The following CSMD1 variants were observed in gnomAD, a reference collection of about 807,000 sequenced individuals.
The protein encoded by CSMD1 is CUB and Sushi multiple domains 1, also known as CUB and sushi domain-containing protein 1.
In CSMD1, 213 loss-of-function variants were observed where a neutral mutation model predicts 417.5. The ratio of observed to expected loss-of-function variants is 0.51; its 90% CI spans 0.46 to 0.57. The LOEUF (loss-of-function observed/expected upper bound fraction) is 0.57, where lower values mean the gene tolerates loss of function less well. CSMD1 is among the 20% of genes least tolerant of loss of function. CSMD1 has a pLI of 0.00. For missense variants in CSMD1, 6,923 were observed against 4,529.7 expected (o/e 1.53, Z -15.17); for synonymous variants, 2,862 against 1,736.8 (o/e 1.65, Z -16.11).
intron 1 of CSMD1, among the ~76,000 whole-genome samples, chr8:4,717,230 A>G (rs968843072): frequency 2.0e-5 from 3 of 151,386 alleles, no homozygotes; most frequent in Non-Finnish European, 4.4e-5. Context: ...AATACATAAC[A>G]TAGCTACCTT....
intron 8 of CSMD1, among the ~76,000 whole-genome samples, chr8:3,594,051 G>C (rs1012676731): frequency 6.6e-6 from 1 of 152,184 alleles, no homozygotes; most frequent in East Asian, 1.9e-4. Flanking sequence ...AAAGGAATGA[G>C]AGAGGAAAAA....
intron 17 of CSMD1, among the ~76,000 whole-genome samples, chr8:3,388,290 T>C (rs1306379588): frequency 1.3e-5 from 2 of 152,216 alleles, no homozygotes; most frequent in African/African-American, 4.8e-5. Context: ...ATGGGAAAAA[T>C]TAATGTGCAT....
At chr8:3,348,638 G>C (rs1028409149) in intron 21 of CSMD1, among the ~76,000 whole-genome samples, 1 of 152,170 alleles carries the variant, frequency 6.6e-6, no homozygotes, top group Non-Finnish European at 1.5e-5. Flanking sequence ...TCTAACGACA[G>C]ACCAAACCAC....
intron 2 of CSMD1, among the ~76,000 whole-genome samples, chr8:4,598,776 A>AT (rs1351409939): frequency 1.3e-5 from 2 of 152,092 alleles, no homozygotes; most frequent in East Asian, 1.9e-4. Context: ...TAGGTGGAAA[A>AT]TTTTTTTCAA....
At chr8:4,383,377 T>A (rs78323114) in intron 3 of CSMD1, among the ~76,000 whole-genome samples, 1 of 152,096 alleles carries the variant, frequency 6.6e-6, no homozygotes, top group Non-Finnish European at 1.5e-5. Context: ...ATGGAAATGT[T>A]TACTTGGGGG....
intron 3 of CSMD1, among the ~76,000 whole-genome samples, chr8:4,417,870 T>C (rs1238056): frequency 6.6e-6 from 1 of 151,788 alleles, no homozygotes; most frequent in African/African-American, 2.4e-5. Context: ...CCATGACATT[T>C]CCTTGGAAAG....
chr8:4,275,395 G>T (rs539223696), intron 3 of CSMD1, among the ~76,000 whole-genome samples: 1 of 152,070 alleles, frequency 6.6e-6, no homozygotes, highest in East Asian at 1.9e-4. Context: ...TGTTTTAAAG[G>T]AAAGGACAAA....
chr8:4,357,549 G>C (rs1234123457), intron 3 of CSMD1, among the ~76,000 whole-genome samples: 1 of 151,022 alleles, frequency 6.6e-6, no homozygotes, highest in South Asian at 2.1e-4. Flanking sequence ...ATGCACAGTT[G>C]GAAAAAAAAA....
chr8:3,407,852 T>C, intron 14 of CSMD1, 47 bp downstream of exon 14: 2 of 1,490,744 alleles, frequency 1.3e-6, no homozygotes, highest in Non-Finnish European at 1.8e-6. Context: ...TGGGAACATG[T>C]AAGTAAAATG....
intron 2 of CSMD1, among the ~76,000 whole-genome samples, chr8:4,566,749 C>A (rs1798631908): frequency 6.7e-6 from 1 of 149,902 alleles, no homozygotes; most frequent in African/African-American, 2.5e-5. Context: ...GTGGAATGTG[C>A]ACTTTATATA....
chr8:3,560,851 G>C (rs564472732), intron 10 of CSMD1, among the ~76,000 whole-genome samples: 3 of 152,232 alleles, frequency 2.0e-5, no homozygotes, highest in East Asian at 1.9e-4. Flanking sequence ...AGGGTAAAGG[G>C]TCTTTTGTAG....
At chr8:4,652,354 T>C (rs1214018853) in intron 1 of CSMD1, among the ~76,000 whole-genome samples, 1 of 150,198 alleles carries the variant, frequency 6.7e-6, no homozygotes, top group Non-Finnish European at 1.5e-5. Flanking sequence ...TGAAGGTCTT[T>C]TGAAACAAAC....
intron 7 of CSMD1, among the ~76,000 whole-genome samples, chr8:3,686,717 TG>T (rs1335187426): frequency 1.3e-5 from 2 of 152,242 alleles, no homozygotes; most frequent in Admixed American, 6.5e-5. Context: ...CCAAGTCCCT[TG>T]GCCTTGCCAC....
intron 1 of CSMD1, among the ~76,000 whole-genome samples, chr8:4,869,507 GT>G (rs1329090333): frequency 2.0e-5 from 3 of 152,024 alleles, no homozygotes; most frequent in African/African-American, 7.2e-5. Flanking sequence ...ACTCAAGGTA[GT>G]TGATATCTAG....
chr8:3,836,164 T>C (rs1180315295), intron 5 of CSMD1, among the ~76,000 whole-genome samples: 5 of 152,220 alleles, frequency 3.3e-5, no homozygotes, highest in Admixed American at 1.3e-4. Flanking sequence ...ATATTCATTG[T>C]CTCAGTTTAT....
chr8:4,007,572 T>A (rs1816224323), intron 4 of CSMD1, among the ~76,000 whole-genome samples: 1 of 152,222 alleles, frequency 6.6e-6, no homozygotes, highest in Non-Finnish European at 1.5e-5. Context: ...TACCTCTCGG[T>A]GCGTGCTGAG....
At chr8:4,702,921 C>G (rs1312316585) in intron 1 of CSMD1, among the ~76,000 whole-genome samples, 1 of 152,046 alleles carries the variant, frequency 6.6e-6, no homozygotes, top group African/African-American at 2.4e-5. Context: ...AGACTGTAGA[C>G]TTCTAAAATG....
intron 5 of CSMD1, among the ~76,000 whole-genome samples, chr8:3,973,494 T>C (rs537347398): frequency 1.3e-5 from 2 of 152,334 alleles, no homozygotes; most frequent in East Asian, 1.9e-4. Flanking sequence ...AAAAATAGCA[T>C]ACATCCCAAC....
At chr8:4,267,817 A>C (rs1804314781) in intron 3 of CSMD1, among the ~76,000 whole-genome samples, 1 of 152,156 alleles carries the variant, frequency 6.6e-6, no homozygotes, top group South Asian at 2.1e-4. Flanking sequence ...GCAGGTGTGC[A>C]AAATATAAAG....
Sources: allele counts gnomAD v4.1 joint callset (sites outside exome capture counted in the v4.1 genomes callset), GRCh38; gene constraint gnomAD v4.1.1; transcripts MANE v1.5; gene names NCBI Gene and HGNC (gene_info 2026-07-23, HGNC 2026-07-21).